Variants in UBE3D observed in about 807,000 individuals in gnomAD.
UBE3D encodes the protein ubiquitin protein ligase E3D.
Under a neutral mutation model 49.6 loss-of-function variants are expected in UBE3D, and 48 were observed. The observed-to-expected ratio is 0.97, with a 90% CI of 0.77 to 1.23. The LOEUF (loss-of-function observed/expected upper bound fraction) is 1.23. Among genes scored for constraint, UBE3D ranks in the 50% most tolerant of loss-of-function variants. The pLI is 0.00. For synonymous variants in UBE3D, 189 were observed against 174.2 expected, an observed-to-expected ratio of 1.08 and a Z score of -0.67; for missense variants, 452 against 468.4, an observed-to-expected ratio of 0.96 and a Z score of 0.32.
downstream of UBE3D, among the ~76,000 whole-genome samples, chr6:82,888,280 C>CA (rs1562054365): frequency 6.7e-6 from 1 of 148,414 alleles, no homozygotes; most frequent in Non-Finnish European, 1.5e-5. Flanking sequence ...TTAAGTTAAC[C>CA]ACTTGTGGTG....
rs73475798 is a variant in UBE3D, at chr6:82,911,867, C to G, written c.1150-18825G>C. ...CCTGCTTAAAGCTTTCTCCTGTCAT[C>G]GGTCAGAAAGGCTGGACACTCTTCC... On this transcript the variant is annotated intron_variant, in intron 9 of 9. Coordinates refer to ENST00000369747, the MANE Select transcript of UBE3D (RefSeq NM_198920.3). Among the ~76,000 whole-genome samples, 1,257 of 152,246 alleles carry G rather than the reference C, an allele frequency of 8.3e-3. 20 individuals carry two copies. The highest frequency in any genetic ancestry group is 0.029 in the African/African-American group (1,192 of 41,542).
chr6:82,923,899 T>G (rs1773544820), intron 9 of UBE3D, among the ~76,000 whole-genome samples: 1 of 151,952 alleles, frequency 6.6e-6, no homozygotes. Context: ...ATAAACAGAT[T>G]AAATGCAGCA....
chr6:83,035,324 C>T (rs2127798074), intron 5 of UBE3D, among the ~76,000 whole-genome samples: 1 of 152,314 alleles, frequency 6.6e-6, no homozygotes, highest in South Asian at 2.1e-4. Context: ...TTACCCAATT[C>T]CATGTCATCT....
chr6:82,947,446 C>A (rs942077930), intron 9 of UBE3D, among the ~76,000 whole-genome samples: 1 of 151,968 alleles, frequency 6.6e-6, no homozygotes, highest in Non-Finnish European at 1.5e-5. Flanking sequence ...ACCAAATAAA[C>A]CTAAAAGATA....
intron 7 of UBE3D, 61 bp downstream of exon 7, chr6:83,022,392 T>C: frequency 9.1e-7 from 1 of 1,095,196 alleles, no homozygotes. Flanking sequence ...ATGAAAAAAC[T>C]GAAGAATTCT....
chr6:82,882,900 G>T, the UBE3D span, among the ~76,000 whole-genome samples: 1 of 152,084 alleles, frequency 6.6e-6, no homozygotes, highest in Non-Finnish European at 1.5e-5. Context: ...TTCAAAAAGG[G>T]CAAGGCAGCT....
At chr6:83,054,267 T>C (rs775519625) in intron 2 of UBE3D, 29 bp from the exon 3 acceptor site, 2 of 1,547,172 alleles carry the variant, frequency 1.3e-6, no homozygotes, top group Admixed American at 3.3e-5. Context: ...ATAGCTAATC[T>C]TAGAGATTGA....
intron 9 of UBE3D, among the ~76,000 whole-genome samples, chr6:82,953,580 G>A (rs1775952579): frequency 6.6e-6 from 1 of 152,148 alleles, no homozygotes; most frequent in Non-Finnish European, 1.5e-5. Flanking sequence ...AATGTCACAT[G>A]GCTGTGTCCA....
downstream of UBE3D, among the ~76,000 whole-genome samples, chr6:82,891,252 C>T (rs1770973198): frequency 6.6e-6 from 1 of 152,152 alleles, no homozygotes; most frequent in Non-Finnish European, 1.5e-5. Flanking sequence ...TTTTGGTCAA[C>T]ACAACTGGAG....
intron 1 of UBE3D, among the ~76,000 whole-genome samples, chr6:83,063,431 A>T (rs1021445621): frequency 1.1e-4 from 16 of 150,850 alleles, no homozygotes; most frequent in Non-Finnish European, 1.6e-4. Flanking sequence ...AAAAAAAAAA[A>T]AAAAAAGAAA....
At chr6:83,014,469 T>G (rs1196403240) in intron 8 of UBE3D, among the ~76,000 whole-genome samples, 1 of 152,166 alleles carries the variant, frequency 6.6e-6, no homozygotes, top group Non-Finnish European at 1.5e-5. Context: ...ATTCTGGCAC[T>G]AGGGAAATGA....
intron 8 of UBE3D, among the ~76,000 whole-genome samples, chr6:82,976,854 C>T (rs1777754776): frequency 6.6e-6 from 1 of 152,072 alleles, no homozygotes; most frequent in Admixed American, 6.6e-5. Flanking sequence ...GTGGCTCACG[C>T]CTGTAATCCC....
At position 82,899,589 on chromosome 6, in the gene UBE3D, G is replaced by C. The variant is rs113306870; in HGVS notation, c.1150-6547C>G. 2.9e-3 allele frequency among the ~76,000 whole-genome samples: 449 copies of C among 152,310 alleles called. 4 individuals carry two copies. The highest frequency in any genetic ancestry group is 9.7e-3 in the African/African-American group (403 of 41,570). ...TTACAGGATGAGAAGTACTTTAAGA[G>C]ATGTGTATGTGGCAGAGGGAAGAGG... is the stretch of plus-strand genomic sequence containing the variant. On this transcript the variant is annotated intron_variant, in intron 9 of 9. Coordinates refer to ENST00000369747, the MANE Select transcript of UBE3D (RefSeq NM_198920.3).
intron 9 of UBE3D, among the ~76,000 whole-genome samples, chr6:82,910,788 T>G (rs1253996526): frequency 6.6e-6 from 1 of 152,198 alleles, no homozygotes; most frequent in Non-Finnish European, 1.5e-5. Context: ...TGGCAACTGA[T>G]TTAAAATGTA....
Position 82,984,164 on chromosome 6 carries a change from A to G in UBE3D, c.1011-26714T>C, listed in dbSNP as rs145635057. On this transcript the variant is annotated intron_variant, in intron 8 of 9. Transcript: ENST00000369747. ...TATAAGCAAATATATTCATATTCTT[A>G]TCATTCTTCAATAAACAATAGCACA... Among the ~76,000 whole-genome samples, 436 of 152,322 alleles carry G rather than the reference A, an allele frequency of 2.9e-3. 2 individuals are homozygous for G. The highest frequency in any genetic ancestry group is 0.01 in the African/African-American group (422 of 41,584).
At chr6:83,063,137 G>T in intron 1 of UBE3D, 1 of 271,888 alleles carries the variant, frequency 3.7e-6, no homozygotes, top group Non-Finnish European at 7.3e-6. Context: ...ACGAGGCAGG[G>T]CATGGTGGCT....
chr6:82,998,462 C>A (rs1779397302), intron 8 of UBE3D, among the ~76,000 whole-genome samples: 2 of 152,278 alleles, frequency 1.3e-5, no homozygotes, highest in South Asian at 2.1e-4. Context: ...TTATACTTAT[C>A]ATCTCACATT....
intron 8 of UBE3D, among the ~76,000 whole-genome samples, chr6:82,965,876 C>A (rs897203983): frequency 1.3e-5 from 2 of 152,158 alleles, no homozygotes; most frequent in African/African-American, 4.8e-5. Flanking sequence ...ACGCCCCCAA[C>A]CCCTCTGAAT....
intron 8 of UBE3D, among the ~76,000 whole-genome samples, chr6:82,958,581 T>C (rs1776330718): frequency 6.6e-6 from 1 of 152,160 alleles, no homozygotes. Context: ...GGTTACTTAT[T>C]ATGCTGACAG....
Sources: gnomAD v4.1 joint callset for allele counts (sites outside exome capture counted in the v4.1 genomes callset) on GRCh38, gnomAD v4.1.1 for gene constraint, MANE v1.5 for transcripts, NCBI Gene and HGNC (gene_info 2026-07-23, HGNC 2026-07-21) for gene names.